Variants in ACACB observed in about 807,000 individuals in gnomAD.
ACACB encodes acetyl-CoA carboxylase 2.
ACACB carries 209 observed loss-of-function variants against 278.8 expected under a neutral mutation model. The observed-to-expected ratio is 0.75, with a 90% confidence interval of 0.67 to 0.84. ACACB has a LOEUF of 0.84. Among genes scored for constraint, ACACB ranks in the 40% least tolerant of loss-of-function variants. The pLI is 0.00. For synonymous variants in ACACB, 1,174 were observed against 1,285.6 expected, an observed-to-expected ratio of 0.91 and a Z score of 1.86; for missense variants, 2,850 against 3,269.0, an observed-to-expected ratio of 0.87 and a Z score of 3.13.
chr12:109,238,906 T>C (rs1310324630), intron 34 of ACACB, among the ~76,000 whole-genome samples: 1 of 150,562 alleles, frequency 6.6e-6, no homozygotes, highest in Non-Finnish European at 1.5e-5. Flanking sequence ...TTTTGCTACC[T>C]GTCAGCTAGA....
chr12:109,224,275 C>T (rs2046256374), intron 27 of ACACB, among the ~76,000 whole-genome samples: 3 of 151,980 alleles, frequency 2.0e-5, no homozygotes, highest in Admixed American at 2.0e-4. Flanking sequence ...AACTTTCTGA[C>T]TCACGTGCAT....
intron 33 of ACACB, chr12:109,236,029 C>T: frequency 5.6e-6 from 1 of 178,702 alleles, no homozygotes; most frequent in East Asian, 1.5e-4. Flanking sequence ...GATGGGGTCT[C>T]ACTATGTTGC....
chr12:109,112,626 C>G (rs905305347), upstream of ACACB, among the ~76,000 whole-genome samples: 1 of 146,958 alleles, frequency 6.8e-6, no homozygotes, highest in East Asian at 2.0e-4. Context: ...CACTTGAACC[C>G]GGGCGATCGC....
At chr12:109,112,613 A>G (rs12817790), upstream of ACACB, among the ~76,000 whole-genome samples, 1 of 150,642 alleles carries the variant, frequency 6.6e-6, no homozygotes, top group South Asian at 2.1e-4. Flanking sequence ...GAGGCAGGAG[A>G]ATCACTTGAA....
Position 109,209,955 on chromosome 12 carries a change from A to G in ACACB, c.3249+602A>G, listed in dbSNP as rs1389221338. 3.8e-4 allele frequency among the ~76,000 whole-genome samples: 41 copies of G among 108,992 alleles called. 5 individuals carry two copies. The highest frequency in any genetic ancestry group is 7.4e-4 in the Non-Finnish European group (38 of 51,618). The allele number at this position is 108,992 out of a possible 152,430, so 71.5% of individuals were successfully genotyped here. On this transcript the variant is annotated intron_variant, in intron 21 of 52. Transcript: ENST00000338432. ...TACACACATACACACACGTGTGTGT[A>G]TATATGTGTATACACACATACACAC...
At position 109,168,132 on chromosome 12, in the gene ACACB, T is replaced by C. The variant is rs2043983568; in HGVS notation, c.925+98T>C. On this transcript the variant is annotated intron_variant, in intron 4 of 52. Transcript: ENST00000338432. ...AGGCAAGTCCATCCTGGACTCCCGA[T>C]GGTCAGGACCTCTCATGAGTCTGTA... 4.6e-6 allele frequency: 6 copies of C among 1,311,708 alleles called. 1 individual carries two copies. Among genetic ancestry groups the C allele is most frequent in the Non-Finnish European group, 3.1e-6 (3 of 953,508 alleles). The allele number at this position is 1,311,708 out of a possible 1,614,324, so 81.3% of individuals were successfully genotyped here.
intron 1 of ACACB, among the ~76,000 whole-genome samples, chr12:109,133,439 C>A (rs1407236061): frequency 1.3e-5 from 2 of 152,044 alleles, no homozygotes; most frequent in Admixed American, 6.6e-5. Flanking sequence ...CCATGTTGCC[C>A]AGGCAGGTTG....
At chr12:109,196,303 A>G (rs761632893) in intron 16 of ACACB, among the ~76,000 whole-genome samples, 4 of 152,150 alleles carry the variant, frequency 2.6e-5, no homozygotes, top group Non-Finnish European at 4.4e-5. Context: ...CATTTGGGCT[A>G]CTGTCGTAAA....
At chr12:109,203,868 G>A (rs1413429227) in intron 19 of ACACB, among the ~76,000 whole-genome samples, 1 of 152,146 alleles carries the variant, frequency 6.6e-6, no homozygotes, top group Non-Finnish European at 1.5e-5. Flanking sequence ...CATAGTGGGT[G>A]CTCAGAAATA....
chr12:109,112,420 C>G (rs1213029540), upstream of ACACB, among the ~76,000 whole-genome samples: 2 of 151,960 alleles, frequency 1.3e-5, no homozygotes, highest in Middle Eastern at 6.9e-3. Context: ...CTAGGCAACT[C>G]AGCCAGGTGT....
chr12:109,209,232 A>G lies in ACACB; in HGVS notation c.3128A>G (p.Gln1043Arg), dbSNP rs1464816657. The G allele has an allele frequency of 6.2e-7, 1 of 1,611,224 alleles. No individual in the cohort carries two copies. Among genetic ancestry groups the G allele is most frequent in the East Asian group, 2.2e-5 (1 of 44,844 alleles). The change falls in exon 21 of 53, where the codon CAG (glutamine) becomes CGG (arginine). Residue 1043 changes from glutamine to arginine, a missense_variant. This residue lies in a region of ACACB where 2,265 missense variants were observed against 2,561.3 expected (regional missense o/e 0.88). Transcript: ENST00000338432. ...RHPSLPLLEL[Q>R]EIMTSVAGRI... ...CCGTCACTGCCGCTGCTGGAGCTGC[A>G]GGAGATCATGACCAGCGTGGCAGGC...
chr12:109,212,924 A>T lies in ACACB; in HGVS notation c.3338A>T (p.Gln1113Leu). The T allele has an allele frequency of 3.1e-6, 5 of 1,614,060 alleles. No individual in the cohort carries two copies. Among genetic ancestry groups the T allele is most frequent in the Non-Finnish European group, 4.2e-6 (5 of 1,179,914 alleles). ...TTCATCAACACCCAGAGCATCGTGC[A>T]GTTGGTCCAGAGGTGAATCCTGGGT... ...VFFINTQSIV[Q>L]LVQRYRSGIR... Residue 1113 changes from glutamine (Q) to leucine (L), a missense_variant, in exon 22 of 53, where the codon CAG becomes CTG. By Grantham distance (113) the Gln-to-Leu change is moderately radical (BLOSUM62 -2). This residue lies in a region of ACACB where 2,265 missense variants were observed against 2,561.3 expected (regional missense o/e 0.88). Coordinates refer to ENST00000338432, the MANE Select transcript of ACACB (RefSeq NM_001093.4).
chr12:109,192,991 C>T (rs1425997160), intron 15 of ACACB, among the ~76,000 whole-genome samples: 2 of 152,108 alleles, frequency 1.3e-5, no homozygotes, highest in East Asian at 3.9e-4. Context: ...TTTGGTTATG[C>T]TTTTGAACGG....
chr12:109,259,040 A>T lies in ACACB; in HGVS notation c.6428A>T (p.Asp2143Val). 1 of 1,614,074 alleles carries T rather than the reference A, an allele frequency of 6.2e-7. No homozygotes were observed. The highest frequency in any genetic ancestry group is 8.5e-7 in the Non-Finnish European group (1 of 1,180,004). Residue 2143 changes from aspartate (D) to valine (V), a missense_variant, in exon 47 of 53, where the codon GAC becomes GTC. This residue lies in a region of ACACB where 579 missense variants were observed against 684.6 expected (regional missense o/e 0.85). Transcript: ENST00000338432. ...TACAAAACCGCCCAGGCCGTCAAGG[A>T]CTTCAACCGGGAGAAGTTGCCCCTG... is the stretch of plus-strand genomic sequence containing the variant. ...SAYKTAQAVKDFNREKLPLMI... is the reference protein window; with the variant it reads ...SAYKTAQAVKVFNREKLPLMI...
chr12:109,112,634 C>T (rs956895649), upstream of ACACB, among the ~76,000 whole-genome samples: 8 of 148,616 alleles, frequency 5.4e-5, no homozygotes, highest in East Asian at 2.0e-4. Flanking sequence ...CCCGGGCGAT[C>T]GCACCATTGC....
intron 1 of ACACB, among the ~76,000 whole-genome samples, chr12:109,134,794 C>G (rs2042928480): frequency 6.6e-6 from 1 of 152,032 alleles, no homozygotes; most frequent in Admixed American, 6.6e-5. Flanking sequence ...TTTGGTTGTC[C>G]CAGCTGATGG....
intron 24 of ACACB, among the ~76,000 whole-genome samples, chr12:109,221,265 GA>G (rs372834255): frequency 7.2e-5 from 11 of 152,100 alleles, no homozygotes; most frequent in African/African-American, 2.7e-4. Context: ...AACACATGTA[GA>G]AAAAAATGCC....
chr12:109,234,424 G>A (rs1222185092), intron 31 of ACACB, among the ~76,000 whole-genome samples: 3 of 152,156 alleles, frequency 2.0e-5, no homozygotes, highest in Non-Finnish European at 2.9e-5. Context: ...GCCAATAACA[G>A]CAGGTTGCTC....
At chr12:109,112,699 A>C (rs2042332802), upstream of ACACB, among the ~76,000 whole-genome samples, 1 of 152,052 alleles carries the variant, frequency 6.6e-6, no homozygotes, top group Admixed American at 6.5e-5. Context: ...AAAAAAAAAA[A>C]AAAAAAAAAA....
Sources: gnomAD v4.1 joint callset for allele counts (sites outside exome capture counted in the v4.1 genomes callset) on GRCh38, gnomAD v4.1.1 for gene constraint, gnomAD v4.1.1 regional missense constraint, MANE v1.5 for transcripts, NCBI Gene and HGNC (gene_info 2026-07-23, HGNC 2026-07-21) for gene names.